Variants in PPTC7 observed in about 807,000 individuals in gnomAD.
PPTC7 encodes protein phosphatase PTC7 homolog.
A neutral mutation model predicts 30.8 loss-of-function variants in PPTC7; 6 were observed. The observed-to-expected ratio is 0.19, with a 90% CI of 0.11 to 0.38. The LOEUF (loss-of-function observed/expected upper bound fraction) is 0.38. Among genes scored for constraint, PPTC7 ranks in the 10% least tolerant of loss-of-function variants. The pLI, the probability that PPTC7 is intolerant of heterozygous loss-of-function variation, is 1.00. For missense variants in PPTC7, 218 were observed against 404.8 expected (o/e 0.54, Z 3.96); for synonymous variants, 163 against 168.1 (o/e 0.97, Z 0.23).
intron 1 of PPTC7, among the ~76,000 whole-genome samples, 153 bp downstream of exon 1, chr12:110,582,656 C>T (rs550806556): frequency 2.6e-5 from 4 of 152,290 alleles, no homozygotes; most frequent in African/African-American, 9.6e-5. Flanking sequence ...CGCCTCGGAG[C>T]GCTTGGCACG....
At chr12:110,582,727 G>C in intron 1 of PPTC7, 82 bp downstream of exon 1, 1 of 1,205,134 alleles carries the variant, frequency 8.3e-7, no homozygotes, top group Non-Finnish European at 1.1e-6. Context: ...TCGCCGCCGG[G>C]AGGAACTGGG....
At chr12:110,542,717 A>G (rs1179222036) in intron 3 of PPTC7, among the ~76,000 whole-genome samples, 1 of 151,486 alleles carries the variant, frequency 6.6e-6, no homozygotes, top group South Asian at 2.1e-4. Context: ...AAACTAAAGA[A>G]ACTGCTCATA....
At chr12:110,562,823 AG>A (rs2064449531) in intron 1 of PPTC7, among the ~76,000 whole-genome samples, 1 of 151,324 alleles carries the variant, frequency 6.6e-6, no homozygotes, top group Admixed American at 6.6e-5. Flanking sequence ...AAAAAAAAAA[AG>A]AAGAAAGATG....
chr12:110,567,427 G>A (rs1482618212), intron 1 of PPTC7, among the ~76,000 whole-genome samples: 1 of 152,198 alleles, frequency 6.6e-6, no homozygotes, highest in African/African-American at 2.4e-5. Context: ...TCCCAAACTT[G>A]ATCCTTCCTT....
intron 1 of PPTC7, among the ~76,000 whole-genome samples, chr12:110,581,754 C>T (rs989069753): frequency 6.6e-6 from 1 of 152,196 alleles, no homozygotes; most frequent in Non-Finnish European, 1.5e-5. Flanking sequence ...AAAAAAGTTA[C>T]AGAATCATTT....
chr12:110,565,066 G>A (rs772368021), intron 1 of PPTC7, among the ~76,000 whole-genome samples: 2 of 151,366 alleles, frequency 1.3e-5, no homozygotes, highest in African/African-American at 2.4e-5. Context: ...AGTAGAGACG[G>A]GGTTTCACCA....
chr12:110,569,032 G>GCCCCCCCC (rs5800891), intron 1 of PPTC7, among the ~76,000 whole-genome samples: 1 of 119,822 alleles, frequency 8.3e-6, no homozygotes, highest in African/African-American at 3.3e-5. Flanking sequence ...CCCTGTCCCC[G>GCCCCCCCC]CCCCCCCCCC....
intron 1 of PPTC7, among the ~76,000 whole-genome samples, chr12:110,579,868 C>A (rs975088802): frequency 1.3e-5 from 2 of 151,972 alleles, no homozygotes; most frequent in African/African-American, 4.8e-5. Flanking sequence ...CAAAAATTAG[C>A]CGGGCGTGAT....
At chr12:110,572,305 G>A (rs2064543067) in intron 1 of PPTC7, among the ~76,000 whole-genome samples, 2 of 152,132 alleles carry the variant, frequency 1.3e-5, no homozygotes, top group Non-Finnish European at 1.5e-5. Context: ...TTAGCCGGGT[G>A]TGGTGGCATG....
chr12:110,562,657 G>C (rs928594143), intron 1 of PPTC7, among the ~76,000 whole-genome samples: 21 of 151,848 alleles, frequency 1.4e-4, no homozygotes, highest in Admixed American at 1.4e-3. Flanking sequence ...CCCAGGTATG[G>C]TGGCGCATGA....
At position 110,582,708 on chromosome 12, in the gene PPTC7, T is replaced by C; in HGVS notation, c.223+101A>G. 1.5e-5 allele frequency: 16 copies of C among 1,047,458 alleles called. No individual in the cohort carries two copies. The South Asian group carries it at 2.5e-4, about 16-fold the overall frequency. The allele number at this position is 1,047,458 out of a possible 1,614,324, so 64.9% of individuals were successfully genotyped here. A position where few individuals can be genotyped will look rare whatever the true frequency, so the allele number is the denominator to read the frequency against. ...AAGCGCTCCCTCCATGTGAGCGCTC[T>C]GGCTCCTTTCGCCGCCGGGAGGAAC... is the stretch of plus-strand genomic sequence containing the variant. On this transcript the variant is annotated intron_variant, in intron 1 of 5. Transcript: ENST00000354300.
At chr12:110,547,316 C>T (rs933265908) in intron 2 of PPTC7, among the ~76,000 whole-genome samples, 2 of 152,178 alleles carry the variant, frequency 1.3e-5, no homozygotes, top group Admixed American at 6.5e-5. Flanking sequence ...CCAGCTCTGC[C>T]ACTTCCCAGC....
chr12:110,553,088 C>A (rs1317609112), intron 1 of PPTC7, among the ~76,000 whole-genome samples: 3 of 151,848 alleles, frequency 2.0e-5, no homozygotes, highest in South Asian at 2.1e-4. Context: ...GAGGCTGAGG[C>A]TGGAGAATTG....
chr12:110,544,340 TAAGTA>T (rs2135764746), intron 3 of PPTC7, among the ~76,000 whole-genome samples: 1 of 152,362 alleles, frequency 6.6e-6, no homozygotes, highest in South Asian at 2.1e-4. Context: ...TGAGAGCTAT[TAAGTA>T]GAGACAAGTA....
chr12:110,566,213 T>C (rs2064481977), intron 1 of PPTC7, among the ~76,000 whole-genome samples: 1 of 152,218 alleles, frequency 6.6e-6, no homozygotes, highest in Non-Finnish European at 1.5e-5. Flanking sequence ...CAACAAGGCT[T>C]GTTAAGTTTT....
In PPTC7 at chr12:110,582,954, G is replaced by GCC. The variant is rs71083132; in HGVS notation, c.77_78insGG (p.Gly27AlafsTer12). 48 of 1,530,614 alleles carry GCC rather than the reference G, an allele frequency of 3.1e-5. No homozygotes were observed. The South Asian group carries it at 5.6e-4, about 18-fold the overall frequency. 94.8% of individuals were successfully genotyped at this position (1,530,614 alleles called of 1,614,324 possible). A position where few individuals can be genotyped will look rare whatever the true frequency, so the allele number is the denominator to read the frequency against. ...CGTAGTCGCCGCCGCCGCCGCCGCC[G>GCC]GCCCTGGGGTCGGTCTGCGAGAGGC... On this transcript the variant is annotated frameshift_variant, in exon 1 of 6. Transcript: ENST00000354300. LOFTEE classifies it high-confidence loss of function.
At chr12:110,572,622 C>A (rs1173919990) in intron 1 of PPTC7, among the ~76,000 whole-genome samples, 6 of 152,166 alleles carry the variant, frequency 3.9e-5, no homozygotes, top group Non-Finnish European at 8.8e-5. Flanking sequence ...TGTAGAAAGT[C>A]ACTTTCGTAG....
chr12:110,582,516 G>A (rs1033092082), intron 1 of PPTC7, among the ~76,000 whole-genome samples: 1 of 152,226 alleles, frequency 6.6e-6, no homozygotes, highest in Non-Finnish European at 1.5e-5. Flanking sequence ...GGCCGAGTGA[G>A]ACCGAGAGTG....
intron 1 of PPTC7, among the ~76,000 whole-genome samples, chr12:110,571,495 T>A (rs985549979): frequency 6.6e-6 from 1 of 152,146 alleles, no homozygotes; most frequent in Non-Finnish European, 1.5e-5. Flanking sequence ...TAGATTGTAA[T>A]GACAACACAA....
Sources: gnomAD v4.1 joint callset for allele counts (sites outside exome capture counted in the v4.1 genomes callset) on GRCh38, gnomAD v4.1.1 for gene constraint, MANE v1.5 for transcripts, NCBI Gene and HGNC (gene_info 2026-07-23, HGNC 2026-07-21) for gene names.